Variants in DAB1 observed in about 807,000 individuals in gnomAD.
DAB1 encodes disabled homolog 1.
DAB1 carries 15 observed loss-of-function variants against 64.6 expected under a neutral mutation model. That is an observed-to-expected ratio of 0.23 (90% confidence interval 0.16 to 0.36). DAB1 has a LOEUF of 0.36. DAB1 is among the 10% of genes least tolerant of loss of function. DAB1 has a pLI of 1.00. For synonymous variants in DAB1, 235 were observed against 251.9 expected (o/e 0.93, Z 0.64); for missense variants, 596 against 706.7 (o/e 0.84, Z 1.78).
chr1:57,435,590 A>T (rs1685665414), intron 7 of DAB1, among the ~76,000 whole-genome samples: 1 of 152,166 alleles, frequency 6.6e-6, no homozygotes, highest in Admixed American at 6.5e-5. Flanking sequence ...ACAAACACAC[A>T]TATGAGCCTA....
chr1:58,087,130 A>G (rs1006092287), intron 5 of DAB1, among the ~76,000 whole-genome samples: 2 of 152,208 alleles, frequency 1.3e-5, no homozygotes, highest in African/African-American at 4.8e-5. Context: ...CCTGGAGACA[A>G]TAATAACCCC....
At chr1:57,986,985 G>A (rs1646235042) in intron 5 of DAB1, among the ~76,000 whole-genome samples, 1 of 152,128 alleles carries the variant, frequency 6.6e-6, no homozygotes, top group South Asian at 2.1e-4. Context: ...AATTGTTCAA[G>A]GTCACTCAGC....
intron 5 of DAB1, among the ~76,000 whole-genome samples, chr1:58,088,395 T>G (rs999020543): frequency 6.6e-6 from 1 of 152,242 alleles, no homozygotes; most frequent in Non-Finnish European, 1.5e-5. Context: ...TGCTAGGTAT[T>G]GTGGCCATTT....
chr1:58,476,184 T>C (rs1257690456), intron 3 of DAB1, among the ~76,000 whole-genome samples: 3 of 152,334 alleles, frequency 2.0e-5, no homozygotes, highest in South Asian at 4.1e-4. Context: ...AAAAATTTTA[T>C]ATTTTCTCTC....
At chr1:57,695,393 AAAG>A (rs1557427920) in intron 6 of DAB1, among the ~76,000 whole-genome samples, 19 of 79,120 alleles carry the variant, frequency 2.4e-4, no homozygotes, top group Admixed American at 5.9e-4. Flanking sequence ...AGAAAGAAAG[AAAG>A]AAAGAAAGAA....
At chr1:58,195,132 GAGAGAGAGAGAC>G (rs983822898) in intron 4 of DAB1, among the ~76,000 whole-genome samples, 3 of 137,794 alleles carry the variant, frequency 2.2e-5, no homozygotes, top group South Asian at 2.7e-4. Context: ...CCAGGAGAGA[GAGAGAGAGAGAC>G]AGAGAGACAG....
intron 6 of DAB1, among the ~76,000 whole-genome samples, chr1:57,761,303 G>A (rs1166942968): frequency 6.6e-6 from 1 of 152,166 alleles, no homozygotes; most frequent in African/African-American, 2.4e-5. Context: ...ACAGTATCTA[G>A]CTAGTATTTC....
At chr1:58,459,806 C>T (rs1645225678) in intron 3 of DAB1, among the ~76,000 whole-genome samples, 1 of 152,072 alleles carries the variant, frequency 6.6e-6, no homozygotes, top group African/African-American at 2.4e-5. Context: ...GGCAAAACCC[C>T]ATCTCTACTA....
At chr1:58,153,047 A>G (rs1028135020) in intron 4 of DAB1, among the ~76,000 whole-genome samples, 2 of 152,222 alleles carry the variant, frequency 1.3e-5, no homozygotes, top group Non-Finnish European at 2.9e-5. Flanking sequence ...AACCAAGCTC[A>G]TCTTACTAAG....
At chr1:57,812,489 G>A (rs376847759) in intron 6 of DAB1, among the ~76,000 whole-genome samples, 12 of 152,118 alleles carry the variant, frequency 7.9e-5, no homozygotes, top group East Asian at 3.9e-4. Flanking sequence ...CAGTGGAGGC[G>A]AAGGAAGGGG....
rs141900579 is a variant in DAB1 at position 57,790,270 on chromosome 1, G to A, written n.551+93729C>T. The stretch of plus-strand genomic sequence containing the variant: ...ACCTCCATGCTGTTCTCATGATAGC[G>A]AGGGAGTTCTCACGAGATTTGATGC... On this transcript the variant is annotated intron_variant and non_coding_transcript_variant, in intron 6 of 20. Coordinates refer to the DAB1 transcript ENST00000485760. 3.9e-5 allele frequency among the ~76,000 whole-genome samples: 6 copies of A among 152,118 alleles called. No homozygotes were observed. In the East Asian group the frequency reaches 5.8e-4, roughly 15 times the overall value.
chr1:57,035,531 T>C (rs1454578298), intron 9 of DAB1, among the ~76,000 whole-genome samples: 4 of 152,102 alleles, frequency 2.6e-5, no homozygotes, highest in Admixed American at 2.6e-4. Context: ...TTGAATTCAG[T>C]TGAAGATTGA....
chr1:57,595,351 T>A (rs921477524), intron 7 of DAB1, among the ~76,000 whole-genome samples: 24 of 152,156 alleles, frequency 1.6e-4, no homozygotes, highest in Admixed American at 1.6e-3. Context: ...TCAGCTTTTT[T>A]GGGCCCCCAA....
intron 5 of DAB1, among the ~76,000 whole-genome samples, chr1:58,050,113 A>T (rs1418599854): frequency 1.3e-5 from 2 of 152,206 alleles, no homozygotes; most frequent in Non-Finnish European, 2.9e-5. Flanking sequence ...CCAACAGAAT[A>T]GCACGTACAA....
intron 6 of DAB1, among the ~76,000 whole-genome samples, chr1:57,726,201 G>C (rs1165709963): frequency 6.6e-6 from 1 of 152,212 alleles, no homozygotes; most frequent in Non-Finnish European, 1.5e-5. Flanking sequence ...TTGTAACAGG[G>C]TGTGATCAGC....
At chr1:57,027,950 ACT>A (rs1255068844) in intron 9 of DAB1, among the ~76,000 whole-genome samples, 1 of 152,138 alleles carries the variant, frequency 6.6e-6, no homozygotes, top group Non-Finnish European at 1.5e-5. Flanking sequence ...AGAAATGCCA[ACT>A]CTCAGCCTGC....
At chr1:57,224,429 A>T (rs748088850) in intron 2 of DAB1, among the ~76,000 whole-genome samples, 7 of 152,200 alleles carry the variant, frequency 4.6e-5, no homozygotes, top group Non-Finnish European at 1.0e-4. Context: ...CCTATCTCTC[A>T]TCCCACTTTT....
chr1:58,005,542 G>T (rs1271489922), intron 5 of DAB1, among the ~76,000 whole-genome samples: 1 of 151,230 alleles, frequency 6.6e-6, no homozygotes, highest in Non-Finnish European at 1.5e-5. Flanking sequence ...TCCTCGTGGG[G>T]ATCCTCAGTC....
chr1:58,045,166 C>A (rs1647211096), intron 5 of DAB1, among the ~76,000 whole-genome samples: 1 of 152,172 alleles, frequency 6.6e-6, no homozygotes, highest in African/African-American at 2.4e-5. Flanking sequence ...TCCTGACAAA[C>A]CCTATCCTGC....
Sources: gnomAD v4.1 joint callset for allele counts (sites outside exome capture counted in the v4.1 genomes callset) on GRCh38, gnomAD v4.1.1 for gene constraint, MANE v1.5 for transcripts, NCBI Gene and HGNC (gene_info 2026-07-23, HGNC 2026-07-21) for gene names.